The following ALMS1 variants were observed in gnomAD, a reference collection of about 807,000 sequenced individuals.
ALMS1 encodes ALMS1 centrosome and basal body associated protein, also known as centrosome-associated protein ALMS1.
Under a neutral mutation model 352.2 loss-of-function variants are expected in ALMS1, and 271 were observed. That is an observed-to-expected ratio of 0.77 (90% CI 0.70 to 0.85). The LOEUF is 0.85. ALMS1 is among the 40% of genes least tolerant of loss of function. ALMS1 has a pLI of 0.00. For synonymous variants in ALMS1, 1,865 were observed against 1,761.2 expected (o/e 1.06, Z -1.48); for missense variants, 5,445 against 4,870.7 (o/e 1.12, Z -3.51).
At chr2:73,395,259 T>C (rs1409504439) in intron 1 of ALMS1, among the ~76,000 whole-genome samples, 1 of 151,164 alleles carries the variant, frequency 6.6e-6, no homozygotes, top group Non-Finnish European at 1.5e-5. Context: ...TTTGTATTTT[T>C]AGTAGAGATG....
intron 10 of ALMS1, among the ~76,000 whole-genome samples, chr2:73,519,406 T>A (rs1030042788): frequency 6.6e-6 from 1 of 152,238 alleles, no homozygotes; most frequent in Non-Finnish European, 1.5e-5. Context: ...CAGAATGCTC[T>A]GTTTCTTGTT....
intron 2 of ALMS1, among the ~76,000 whole-genome samples, chr2:73,412,992 CT>C (rs1191158871): frequency 2.2e-3 from 313 of 141,264 alleles, no homozygotes; most frequent in Middle Eastern, 3.7e-3. Context: ...TTCTTTTTTT[CT>C]TTTTTTTTTT....
At chr2:73,608,617 TG>T in intron 22 of ALMS1, 43 bp downstream of exon 22, 1 of 1,490,354 alleles carries the variant, frequency 6.7e-7, no homozygotes, top group Admixed American at 1.7e-5. Flanking sequence ...TCAGGTTTAT[TG>T]GCGGAAAGAG....
intron 4 of ALMS1, 75 bp from the exon 5 acceptor site, chr2:73,424,355 A>AT: frequency 2.1e-6 from 2 of 958,898 alleles, no homozygotes; most frequent in Non-Finnish European, 3.0e-6. Context: ...TGACATATGT[A>AT]TTTTTGTGTT....
At chr2:73,543,367 A>C (rs553003930) in intron 12 of ALMS1, among the ~76,000 whole-genome samples, 1 of 152,324 alleles carries the variant, frequency 6.6e-6, no homozygotes, top group South Asian at 2.1e-4. Flanking sequence ...AAATTAATTC[A>C]AGATGGATTA....
At chr2:73,536,393 A>G (rs1674028646) in intron 12 of ALMS1, among the ~76,000 whole-genome samples, 1 of 152,156 alleles carries the variant, frequency 6.6e-6, no homozygotes, top group African/African-American at 2.4e-5. Context: ...GGACTGGCAC[A>G]CTGTATCCTG....
intron 16 of ALMS1, among the ~76,000 whole-genome samples, chr2:73,594,559 T>C (rs1047846134): frequency 6.6e-6 from 1 of 152,252 alleles, no homozygotes; most frequent in African/African-American, 2.4e-5. Context: ...TCAACACTTC[T>C]GCTGCATCTG....
intron 10 of ALMS1, among the ~76,000 whole-genome samples, chr2:73,504,899 G>T (rs976235413): frequency 2.0e-5 from 3 of 151,990 alleles, no homozygotes; most frequent in South Asian, 2.1e-4. Context: ...CCCCACAACA[G>T]GCCCCAGTGT....
At chr2:73,537,920 CA>C (rs891762414) in intron 12 of ALMS1, among the ~76,000 whole-genome samples, 15 of 152,258 alleles carry the variant, frequency 9.9e-5, no homozygotes, top group African/African-American at 3.4e-4. Context: ...GCATGAGTAT[CA>C]CTTGAACCCT....
chr2:73,579,968 C>G (rs373386017), intron 16 of ALMS1, among the ~76,000 whole-genome samples: 2 of 152,186 alleles, frequency 1.3e-5, no homozygotes, highest in African/African-American at 4.8e-5. Context: ...AATATTCCTT[C>G]TGCCCCTTTC....
chr2:73,482,084 A>G (rs1672719756), intron 9 of ALMS1, among the ~76,000 whole-genome samples: 1 of 152,116 alleles, frequency 6.6e-6, no homozygotes, highest in Non-Finnish European at 1.5e-5. Context: ...TCTCCTGCCT[A>G]ATTGCCCTGG....
At chr2:73,502,168 G>T (rs1431339815) in intron 10 of ALMS1, among the ~76,000 whole-genome samples, 2 of 151,992 alleles carry the variant, frequency 1.3e-5, no homozygotes, top group East Asian at 3.8e-4. Flanking sequence ...CCTACTGTGG[G>T]ATGTTTTAGG....
Position 73,424,223 on chromosome 2 carries a change from G to A in ALMS1, c.765-207G>A, listed in dbSNP as rs916159519. ...GTCTGAGATAATATCAGGGTTATAG[G>A]GTGGTAGTTCACCTTTTAGTTAAAA... is the stretch of plus-strand genomic sequence containing the variant. On this transcript the variant is annotated intron_variant, in intron 4 of 22. Coordinates refer to ENST00000613296, the MANE Select transcript of ALMS1 (RefSeq NM_001378454.1). Among the ~76,000 whole-genome samples, 3 of 152,258 alleles carry A rather than the reference G, an allele frequency of 2.0e-5. No homozygotes were observed. The East Asian group carries it at 5.8e-4, about 29-fold the overall frequency.
intron 7 of ALMS1, 75 bp from the exon 8 acceptor site, chr2:73,447,885 G>A (rs1470456634): frequency 1.4e-6 from 2 of 1,434,150 alleles, no homozygotes; most frequent in African/African-American, 3.8e-5. Context: ...AAGGCTCAAA[G>A]CTGGCTTTTT....
intron 11 of ALMS1, among the ~76,000 whole-genome samples, chr2:73,523,839 T>C (rs1183412818): frequency 6.6e-6 from 1 of 151,824 alleles, no homozygotes; most frequent in Non-Finnish European, 1.5e-5. Context: ...ACTATCAGAA[T>C]CAGTCTAGAG....
chr2:73,504,269 G>A (rs918100496), intron 10 of ALMS1, among the ~76,000 whole-genome samples: 1 of 152,124 alleles, frequency 6.6e-6, no homozygotes, highest in African/African-American at 2.4e-5. Flanking sequence ...CATGCACTCA[G>A]TTATTCTAAT....
In ALMS1 at chr2:73,449,196, T is replaced by G; in HGVS notation, c.2669T>G (p.Val890Gly). The change falls in exon 8 of 23, where the codon GTT (valine) becomes GGT (glycine). Residue 890 changes from valine (V) to glycine (G), a missense_variant. Transcript: ENST00000613296. ...GAAGAGGCTCTGAAAGTATCAATTG[T>G]TCCTGGACCAGGTGATCAGAAGACT... ...LTEEALKVSI[V>G]PGPGDQKTGI... 1 of 1,614,062 alleles carries G rather than the reference T, an allele frequency of 6.2e-7. No individual in the cohort carries two copies. Among genetic ancestry groups the G allele is most frequent in the Non-Finnish European group, 8.5e-7 (1 of 1,179,990 alleles).
intron 11 of ALMS1, among the ~76,000 whole-genome samples, chr2:73,534,608 C>G (rs1673988055): frequency 6.6e-6 from 1 of 152,056 alleles, no homozygotes; most frequent in African/African-American, 2.4e-5. Context: ...TATTAAAATG[C>G]TAGATAATTT....
chr2:73,555,067 A>C (rs889287341), intron 13 of ALMS1, among the ~76,000 whole-genome samples: 1 of 152,232 alleles, frequency 6.6e-6, no homozygotes, highest in African/African-American at 2.4e-5. Flanking sequence ...AGATGTCACT[A>C]AATTAATTTC....
Sources: gnomAD v4.1 joint callset for allele counts (sites outside exome capture counted in the v4.1 genomes callset) on GRCh38, gnomAD v4.1.1 for gene constraint, MANE v1.5 for transcripts, NCBI Gene and HGNC (gene_info 2026-07-23, HGNC 2026-07-21) for gene names.